Variants in VMP1 observed in about 807,000 individuals in gnomAD.
VMP1 encodes vacuole membrane protein 1, also known as ectopic P-granules autophagy protein 3 homolog.
Under a neutral mutation model 56.0 loss-of-function variants are expected in VMP1, and 11 were observed. The observed-to-expected ratio is 0.20, with a 90% CI of 0.12 to 0.32. VMP1 has a LOEUF of 0.32. Ranked by LOEUF, VMP1 falls within the 10% of genes least tolerant of loss-of-function variation. The pLI is 1.00. For synonymous variants in VMP1, 149 were observed against 165.0 expected (o/e 0.90, Z 0.74); for missense variants, 296 against 490.3 (o/e 0.60, Z 3.74).
At chr17:59,804,141 T>C (rs1049207128) in intron 7 of VMP1, among the ~76,000 whole-genome samples, 2 of 152,004 alleles carry the variant, frequency 1.3e-5, no homozygotes, top group African/African-American at 4.8e-5. Context: ...TTAAAAAATA[T>C]ACTGAAGTTG....
intron 10 of VMP1, 101 bp downstream of exon 10, chr17:59,817,874 T>C (rs2038300522): frequency 4.3e-6 from 4 of 926,180 alleles, no homozygotes; most frequent in Non-Finnish European, 4.7e-6. Context: ...CATAGTTCTT[T>C]ATTTTTTGAG....
rs1598476865 is a variant in VMP1, at chr17:59,840,106, G to A, written c.*195G>A. 1 of 591,040 alleles carries A rather than the reference G, an allele frequency of 1.7e-6. No homozygotes were observed. Among genetic ancestry groups the A allele is most frequent in the Non-Finnish European group, 2.8e-6 (1 of 356,800 alleles). The allele number at this position is 591,040 out of a possible 1,614,324, so 36.6% of individuals were successfully genotyped here. ...GTGCTAAGGTAAGGTATCCACCCTC[G>A]ATGCAATCCACCTTGTGTTTTCTTA... On this transcript the variant is annotated 3_prime_UTR_variant, in exon 12 of 12. Coordinates refer to ENST00000262291, the MANE Select transcript of VMP1 (RefSeq NM_030938.5).
chr17:59,811,198 C>T (rs1484453662), intron 8 of VMP1, among the ~76,000 whole-genome samples: 1 of 152,164 alleles, frequency 6.6e-6, no homozygotes, highest in Non-Finnish European at 1.5e-5. Flanking sequence ...GATATGAGTG[C>T]TTTCCAGATA....
At chr17:59,788,115 T>C (rs1598394427) in intron 7 of VMP1, among the ~76,000 whole-genome samples, 2 of 152,332 alleles carry the variant, frequency 1.3e-5, no homozygotes, top group Middle Eastern at 6.8e-3. Context: ...ACGAGGTTAA[T>C]GCAGTCCAGT....
chr17:59,788,149 A>G (rs1182551077), intron 7 of VMP1, among the ~76,000 whole-genome samples: 1 of 152,178 alleles, frequency 6.6e-6, no homozygotes, highest in Non-Finnish European at 1.5e-5. Flanking sequence ...AAAAAGAATA[A>G]ATATTTAAGG....
At chr17:59,734,467 T>A (rs1210067734) in intron 2 of VMP1, among the ~76,000 whole-genome samples, 2 of 152,214 alleles carry the variant, frequency 1.3e-5, no homozygotes, top group African/African-American at 4.8e-5. Context: ...CTGCAGTAGC[T>A]CACACCTGTA....
chr17:59,791,987 A>G (rs1312553083), intron 7 of VMP1, among the ~76,000 whole-genome samples: 1 of 152,072 alleles, frequency 6.6e-6, no homozygotes, highest in Non-Finnish European at 1.5e-5. Context: ...GATTGGTTCT[A>G]TTGGCCGGGT....
chr17:59,736,601 G>T (rs1041966353), intron 3 of VMP1, among the ~76,000 whole-genome samples: 26 of 151,766 alleles, frequency 1.7e-4, no homozygotes, highest in Non-Finnish European at 3.5e-4. Flanking sequence ...AAAATTAGCC[G>T]GGCATGGTGG....
At chr17:59,812,060 G>T (rs1307422869) in intron 9 of VMP1, among the ~76,000 whole-genome samples, 6 of 150,966 alleles carry the variant, frequency 4.0e-5, no homozygotes, top group Non-Finnish European at 8.8e-5. Context: ...ATTTATCCAG[G>T]ACTTTCACCA....
chr17:59,714,725 A>C (rs1010311526), intron 1 of VMP1, among the ~76,000 whole-genome samples: 1 of 152,112 alleles, frequency 6.6e-6, no homozygotes, highest in African/African-American at 2.4e-5. Context: ...GTTAGATTGC[A>C]GTGGCACGAT....
At chr17:59,799,062 A>C (rs1364550544) in intron 7 of VMP1, among the ~76,000 whole-genome samples, 1 of 152,120 alleles carries the variant, frequency 6.6e-6, no homozygotes, top group Non-Finnish European at 1.5e-5. Context: ...GTACTTAATA[A>C]ATTTAGCTAG....
chr17:59,780,721 G>C (rs981262704), intron 7 of VMP1, among the ~76,000 whole-genome samples: 3 of 152,020 alleles, frequency 2.0e-5, no homozygotes, highest in Admixed American at 2.0e-4. Context: ...CAAGTAGCTG[G>C]GATTATAGGC....
intron 7 of VMP1, among the ~76,000 whole-genome samples, chr17:59,794,974 G>T (rs906500748): frequency 6.7e-6 from 1 of 148,458 alleles, no homozygotes; most frequent in Non-Finnish European, 1.5e-5. Context: ...CTAATCGTTG[G>T]CACTAAAAGG....
At chr17:59,811,539 A>G in intron 8 of VMP1, 131 bp from the exon 9 acceptor site, 1 of 702,880 alleles carries the variant, frequency 1.4e-6, no homozygotes, top group Non-Finnish European at 2.5e-6. Context: ...ACAATCCAGT[A>G]GTGATCAAGG....
chr17:59,797,855 C>T (rs1257250739), intron 7 of VMP1, among the ~76,000 whole-genome samples: 1 of 152,166 alleles, frequency 6.6e-6, no homozygotes, highest in Admixed American at 6.5e-5. Flanking sequence ...GCCTGGGCAA[C>T]AAGAGCAAAA....
chr17:59,820,724 GT>G (rs2038411274), intron 10 of VMP1, among the ~76,000 whole-genome samples: 1 of 152,100 alleles, frequency 6.6e-6, no homozygotes, highest in Admixed American at 6.5e-5. Context: ...GTCTATTTTT[GT>G]TTACTGTTAT....
chr17:59,821,957 C>T (rs1276105092), intron 10 of VMP1, among the ~76,000 whole-genome samples: 1 of 151,980 alleles, frequency 6.6e-6, no homozygotes, highest in Non-Finnish European at 1.5e-5. Flanking sequence ...ATTTTCCTGC[C>T]TCAGCCTCCC....
chr17:59,781,582 C>T (rs1256596119), intron 7 of VMP1, among the ~76,000 whole-genome samples: 2 of 152,010 alleles, frequency 1.3e-5, no homozygotes, highest in South Asian at 2.1e-4. Flanking sequence ...TATTTATATA[C>T]CTAAGAGTGA....
At chr17:59,726,291 G>GTTTTTTTTTTTTTTTTTT (rs541555827) in intron 1 of VMP1, among the ~76,000 whole-genome samples, 2 of 145,058 alleles carry the variant, frequency 1.4e-5, no homozygotes, top group South Asian at 2.1e-4. Flanking sequence ...AGTTTTTTTT[G>GTTTTTTTTTTTTTTTTTT]TTTTTTTTTT....
Sources: gnomAD v4.1 joint callset for allele counts (sites outside exome capture counted in the v4.1 genomes callset) on GRCh38, gnomAD v4.1.1 for gene constraint, MANE v1.5 for transcripts, NCBI Gene and HGNC (gene_info 2026-07-23, HGNC 2026-07-21) for gene names.